The following CAPN14 variants were observed in gnomAD, a reference collection of about 807,000 sequenced individuals.
CAPN14 encodes the protein calpain 14.
In CAPN14, 94 loss-of-function variants were observed where a neutral mutation model predicts 101.3. The observed-to-expected ratio is 0.93, with a 90% CI of 0.79 to 1.10. The LOEUF (loss-of-function observed/expected upper bound fraction) is 1.10. Among genes scored for constraint, CAPN14 ranks in the 50% least tolerant of loss-of-function variants. The probability of loss-of-function intolerance (pLI) is 0.00; values close to 1 mark genes in which losing one functional copy is unlikely to be tolerated. For missense variants in CAPN14, 837 were observed against 828.4 expected (o/e 1.01, Z -0.13); for synonymous variants, 338 against 317.9 (o/e 1.06, Z -0.67).
intron 12 of CAPN14, among the ~76,000 whole-genome samples, chr2:31,190,296 T>C (rs971096534): frequency 6.6e-6 from 1 of 152,184 alleles, no homozygotes; most frequent in Non-Finnish European, 1.5e-5. Flanking sequence ...ACACAACTGC[T>C]AACAAAGACA....
chr2:31,182,277 G>C (rs953025840), intron 16 of CAPN14, among the ~76,000 whole-genome samples: 8 of 150,020 alleles, frequency 5.3e-5, no homozygotes, highest in Non-Finnish European at 8.8e-5. Context: ...ACTGGCACAA[G>C]ACAGGGATGC....
At chr2:31,181,438 C>CTT (rs1558612452) in intron 16 of CAPN14, among the ~76,000 whole-genome samples, 1 of 131,636 alleles carries the variant, frequency 7.6e-6, no homozygotes, top group African/African-American at 2.9e-5. Flanking sequence ...TTCTTTCTTT[C>CTT]TTTCTTTTTC....
chr2:31,213,412 C>T (rs775089825), intron 1 of CAPN14, among the ~76,000 whole-genome samples: 1 of 152,228 alleles, frequency 6.6e-6, no homozygotes, highest in Non-Finnish European at 1.5e-5. Flanking sequence ...GCTGCTTTCG[C>T]ATTACAACAG....
Position 31,202,173 on chromosome 2 carries a change from C to T in CAPN14, c.375G>A (p.Gln125=). The change falls in exon 4 of 22, where the codon CAG becomes CAA. Residue 125 remains glutamine, a synonymous_variant. Transcript: ENST00000403897. The stretch of plus-strand genomic sequence containing the variant: ...TGCCAGCATACTTCTCAGTGAAACT[C>T]TGATTCAGGGGAACAACCCGGCTCA... ...DILSRVVPLN[Q]SFTEKYAGIF... The T allele has an allele frequency of 6.4e-7, 1 of 1,551,826 alleles. No homozygotes were observed. Among genetic ancestry groups the T allele is most frequent in the Non-Finnish European group, 8.7e-7 (1 of 1,146,972 alleles).
intron 6 of CAPN14, among the ~76,000 whole-genome samples, chr2:31,200,098 G>A (rs1681674673): frequency 6.6e-6 from 1 of 152,058 alleles, no homozygotes; most frequent in Admixed American, 6.5e-5. Context: ...CCGCCTCCCG[G>A]GTTTTAGTGA....
intron 16 of CAPN14, among the ~76,000 whole-genome samples, chr2:31,185,669 T>G (rs1297664871): frequency 6.6e-6 from 1 of 152,218 alleles, no homozygotes; most frequent in East Asian, 1.9e-4. Context: ...TGAATTTGGC[T>G]TTGAGAAGCC....
intron 1 of CAPN14, among the ~76,000 whole-genome samples, chr2:31,207,136 C>T (rs774766350): frequency 6.6e-6 from 1 of 152,156 alleles, no homozygotes; most frequent in Non-Finnish European, 1.5e-5. Flanking sequence ...AAAAGTAACT[C>T]GCAAATGTGC....
In CAPN14 at chr2:31,177,728, A is replaced by T. The variant is rs1354569133; in HGVS notation, c.1855+18T>A. On this transcript the variant is annotated intron_variant, in intron 19 of 21. Transcript: ENST00000403897. ...CCTGCCCGTGTGTGCCCACAGCTCC[A>T]GCTCTTCCTGTGCCTACCTGCCTCC... 6.5e-7 allele frequency: 1 copy of T among 1,545,988 alleles called. No homozygotes were observed. Among genetic ancestry groups the T allele is most frequent in the Admixed American group, 2.0e-5 (1 of 51,002 alleles).
Position 31,191,410 on chromosome 2 carries a change from AAAAAAC to A in CAPN14, c.1279-9_1279-4del, listed in dbSNP as rs1232218954. 3.4e-5 allele frequency: 53 copies of A among 1,542,662 alleles called. No homozygotes were observed. Among genetic ancestry groups the A allele is most frequent in the Non-Finnish European group, 4.5e-5 (52 of 1,145,252 alleles). On this transcript the variant is annotated splice_polypyrimidine_tract_variant and splice_region_variant and intron_variant, in intron 11 of 21. Coordinates refer to ENST00000403897, the MANE Select transcript of CAPN14 (RefSeq NM_001145122.2). ...AGTGCAGAACTCACCTTGTTCATCTAAAAAACAAAAACAAAAACAGAAAAAAAAAAA... is the reference window on the plus strand; with the variant it reads ...AGTGCAGAACTCACCTTGTTCATCTAAAAAACAAAAACAGAAAAAAAAAAA...
chr2:31,180,483 C>T (rs1268594898), intron 17 of CAPN14, among the ~76,000 whole-genome samples: 1 of 152,170 alleles, frequency 6.6e-6, no homozygotes, highest in Non-Finnish European at 1.5e-5. Flanking sequence ...TGTTGTTTAA[C>T]TTCCCTGAGC....
At chr2:31,224,018 C>T (rs558566024) in intron 2 of CAPN14, among the ~76,000 whole-genome samples, 3 of 152,224 alleles carry the variant, frequency 2.0e-5, no homozygotes, top group Non-Finnish European at 4.4e-5. Context: ...TTCGCAACTA[C>T]ATCTCAGTAT....
At chr2:31,176,991 A>T in intron 20 of CAPN14, 35 bp downstream of exon 20, 3 of 1,440,660 alleles carry the variant, frequency 2.1e-6, no homozygotes, top group Non-Finnish European at 2.9e-6. Flanking sequence ...GCAGCAGAGG[A>T]AGACCTGGCC....
Position 31,186,464 on chromosome 2 carries a change from GA to G in CAPN14, c.1608del (p.Gln537AsnfsTer6). 6.5e-7 allele frequency: 1 copy of G among 1,549,416 alleles called. No homozygotes were observed. The highest frequency in any genetic ancestry group is 1.7e-4 in the Middle Eastern group (1 of 5,988). ...FFEKHPEINAVQLQNLLNQMT... is the reference protein window; with the variant it reads ...FFEKHPEINAXQLQNLLNQMT... Reference sequence around the variant, plus strand: ...ATCTGGTTCAGGAGGTTCTGAAGTTGAACTGCATTAATCTCTGGATGCTAAA... The same window carrying G: ...ATCTGGTTCAGGAGGTTCTGAAGTTGACTGCATTAATCTCTGGATGCTAAA... On this transcript the variant is annotated frameshift_variant, in exon 16 of 22. Coordinates refer to ENST00000403897, the MANE Select transcript of CAPN14 (RefSeq NM_001145122.2). LOFTEE classifies it high-confidence loss of function.
chr2:31,223,440 C>T (rs1462496015), intron 2 of CAPN14, among the ~76,000 whole-genome samples: 1 of 152,146 alleles, frequency 6.6e-6, no homozygotes, highest in African/African-American at 2.4e-5. Flanking sequence ...ATCTGGAGCA[C>T]ATCAGTCAGT....
rs145591043 is a variant in CAPN14 at position 31,194,420 on chromosome 2, G to A, written c.939C>T (p.Asp313=). 65 of 1,551,060 alleles carry A rather than the reference G, an allele frequency of 4.2e-5. No individual in the cohort carries two copies. In the East Asian group the frequency reaches 7.3e-4, roughly 18 times the overall value. Residue 313 remains aspartate, a synonymous_variant, in exon 9 of 22, where the codon GAC becomes GAT. Transcript: ENST00000403897. ...EKILLLRKDN[D]GEFWMTLQDF... is the part of the protein sequence containing the mutation. ...CCTAAGTCCAATACCAGAATTCTCC[G>A]TCATTGTCTTTCCTCAGAAGCAGAA...
chr2:31,199,545 G>T lies in CAPN14; in HGVS notation c.727-13C>A. ...CCAGAATCTTCTCCTGCAGAGACAAGAGAGGTCCTGATCAGTCTTCTGTTA... is the reference window on the plus strand; with the variant it reads ...CCAGAATCTTCTCCTGCAGAGACAATAGAGGTCCTGATCAGTCTTCTGTTA... On this transcript the variant is annotated splice_polypyrimidine_tract_variant and intron_variant, in intron 6 of 21. Transcript: ENST00000403897. 6.5e-7 allele frequency: 1 copy of T among 1,549,874 alleles called. No homozygotes were observed. Among genetic ancestry groups the T allele is most frequent in the Non-Finnish European group, 8.7e-7 (1 of 1,145,588 alleles).
At position 31,180,942 on chromosome 2, in the gene CAPN14, T is replaced by C. The variant is rs748893120; in HGVS notation, c.1704A>G (p.Leu568=). ...SLEACQGILA[L]LDLNASGTMS... ...CACAAACCTGAAAGGATACGTCCAG[T>C]AAGGCCAGGATCCCCTGGCAGGCTT... Residue 568 remains leucine, a synonymous_variant, in exon 17 of 22, where the codon TTA becomes TTG. Coordinates refer to ENST00000403897, the MANE Select transcript of CAPN14 (RefSeq NM_001145122.2). The C allele has an allele frequency of 6.4e-7, 1 of 1,551,664 alleles. No individual in the cohort carries two copies. The highest frequency in any genetic ancestry group is 1.4e-5 in the African/African-American group (1 of 73,138).
intron 11 of CAPN14, 120 bp downstream of exon 11, chr2:31,191,815 G>T: frequency 2.0e-6 from 2 of 1,014,920 alleles, no homozygotes; most frequent in Non-Finnish European, 1.4e-6. Flanking sequence ...GCCTGGATTT[G>T]AAAACCCAGG....
intron 1 of CAPN14, among the ~76,000 whole-genome samples, chr2:31,208,580 C>G (rs932263930): frequency 2.0e-5 from 3 of 152,232 alleles, no homozygotes; most frequent in Non-Finnish European, 4.4e-5. Flanking sequence ...TGCGTGCACA[C>G]ACATACACAC....
Sources: gnomAD v4.1 joint callset for allele counts (sites outside exome capture counted in the v4.1 genomes callset) on GRCh38, gnomAD v4.1.1 for gene constraint, MANE v1.5 for transcripts, NCBI Gene and HGNC (gene_info 2026-07-23, HGNC 2026-07-21) for gene names.